The following FREM2 variants were observed in gnomAD, a reference collection of about 807,000 sequenced individuals.
FREM2 encodes FRAS1-related extracellular matrix protein 2.
In FREM2, 119 loss-of-function variants were observed where a neutral mutation model predicts 219.9. The ratio of observed to expected loss-of-function variants is 0.54; its 90% CI spans 0.47 to 0.63. The LOEUF (loss-of-function observed/expected upper bound fraction) is 0.63. Ranked by LOEUF, FREM2 falls within the 30% of genes least tolerant of loss-of-function variation. The probability of loss-of-function intolerance (pLI) is 0.00; values close to 1 mark genes in which losing one functional copy is unlikely to be tolerated. For synonymous variants in FREM2, 1,562 were observed against 1,522.8 expected (o/e 1.03, Z -0.60); for missense variants, 4,030 against 3,993.6 (o/e 1.01, Z -0.25).
At chr13:38,859,235 C>T (rs77649567) in intron 13 of FREM2, 52 bp from the exon 14 acceptor site, 30,742 of 1,554,338 alleles carry the variant, frequency 0.02, 399 homozygotes, top group Non-Finnish European at 0.023. Flanking sequence ...GAGAAGAATG[C>T]GTTCCACCTG....
Position 38,834,165 on chromosome 13 carries a change from C to T in FREM2, c.6020-12408C>T, listed in dbSNP as rs534801318. Among the ~76,000 whole-genome samples, 233 of 152,156 alleles carry T rather than the reference C, an allele frequency of 1.5e-3. 1 individual carries two copies. Among genetic ancestry groups the T allele is most frequent in the Non-Finnish European group, 2.6e-3 (179 of 67,978 alleles). On this transcript the variant is annotated intron_variant, in intron 6 of 23. Coordinates refer to ENST00000280481, the MANE Select transcript of FREM2 (RefSeq NM_207361.6). ...GTATTTCTCCTAATGCTATCCCTCC[C>T]CTTGATCCCCACCCCCCAATAGGCC... is the stretch of plus-strand genomic sequence containing the variant.
Position 38,687,351 on chromosome 13 carries a change from T to A in FREM2, c.7T>A (p.Ser3Thr). The change falls in exon 1 of 24, where the codon TCA (serine) becomes ACA (threonine). Residue 3 changes from serine to threonine, a missense_variant. By Grantham distance (58) the Ser-to-Thr change is moderately conservative. Around this residue, in one of 2 missense-constraint regions of FREM2, gnomAD observed 3,102 missense variants for 2,950.7 expected, o/e 1.05. Coordinates refer to ENST00000280481, the MANE Select transcript of FREM2 (RefSeq NM_207361.6). ...AAGCCCGAACACCGGGACCATGCAC[T>A]CAGCCGGGACTCCCGGGTTATCCTC... is the stretch of plus-strand genomic sequence containing the variant. MH[S>T]AGTPGLSSRR... is the part of the protein sequence containing the mutation. 1 of 1,604,714 alleles carries A rather than the reference T, an allele frequency of 6.2e-7. No homozygotes were observed. The highest frequency in any genetic ancestry group is 2.2e-5 in the East Asian group (1 of 44,464).
At chr13:38,800,471 C>T (rs985078827) in intron 6 of FREM2, among the ~76,000 whole-genome samples, 2 of 151,982 alleles carry the variant, frequency 1.3e-5, no homozygotes, top group Non-Finnish European at 2.9e-5. Context: ...TTTTCTCTTT[C>T]TGGTTTTAGG....
At chr13:38,801,372 A>G (rs897629911) in intron 6 of FREM2, among the ~76,000 whole-genome samples, 10 of 152,156 alleles carry the variant, frequency 6.6e-5, no homozygotes, top group African/African-American at 2.2e-4. Flanking sequence ...TTGGAGAATT[A>G]TCATGCTTAT....
chr13:38,840,422 C>CTTTT (rs66970622), intron 6 of FREM2, among the ~76,000 whole-genome samples: 1 of 132,142 alleles, frequency 7.6e-6, no homozygotes. Flanking sequence ...GGGATTTCTC[C>CTTTT]TTTTTTTTTT....
At position 38,857,045 on chromosome 13, in the gene FREM2, T is replaced by C. The variant is rs567933290; in HGVS notation, c.7056+789T>C. Among the ~76,000 whole-genome samples the C allele has an allele frequency of 1.3e-3, 203 of 152,304 alleles. 2 individuals carry two copies. Among genetic ancestry groups the C allele is most frequent in the Non-Finnish European group, 2.2e-3 (149 of 68,036 alleles). The stretch of plus-strand genomic sequence containing the variant: ...CAGTGCCTTGCTTTTTATCAAGTTA[T>C]TTAAAACTCAAGTATGGGCAATCTT... On this transcript the variant is annotated intron_variant, in intron 12 of 23. Coordinates refer to ENST00000280481, the MANE Select transcript of FREM2 (RefSeq NM_207361.6).
At chr13:38,871,905 T>A (rs1258126220) in intron 16 of FREM2, among the ~76,000 whole-genome samples, 1 of 152,148 alleles carries the variant, frequency 6.6e-6, no homozygotes, top group African/African-American at 2.4e-5. Context: ...GACACTTCAT[T>A]TCAACTAATT....
intron 6 of FREM2, among the ~76,000 whole-genome samples, chr13:38,805,717 C>T (rs1162463510): frequency 6.6e-6 from 1 of 151,722 alleles, no homozygotes; most frequent in African/African-American, 2.4e-5. Context: ...GAAAGGTTAC[C>T]AGACTATATT....
chr13:38,725,817 C>CT (rs1411487590), intron 2 of FREM2, among the ~76,000 whole-genome samples: 3 of 152,096 alleles, frequency 2.0e-5, no homozygotes, highest in Admixed American at 2.0e-4. Context: ...AATGGCAAGG[C>CT]TTTTTACTGA....
At chr13:38,794,449 G>A (rs1334674102) in intron 6 of FREM2, among the ~76,000 whole-genome samples, 3 of 152,080 alleles carry the variant, frequency 2.0e-5, no homozygotes, top group African/African-American at 7.2e-5. Context: ...AGCTTATTTT[G>A]TGTATTTTTC....
chr13:38,773,589 T>C (rs888480371), intron 4 of FREM2, among the ~76,000 whole-genome samples: 1 of 152,104 alleles, frequency 6.6e-6, no homozygotes, highest in Non-Finnish European at 1.5e-5. Flanking sequence ...TTTGTTTGTT[T>C]TTTTGATTGG....
chr13:38,862,946 G>T (rs1396072484), intron 15 of FREM2, among the ~76,000 whole-genome samples: 1 of 152,184 alleles, frequency 6.6e-6, no homozygotes, highest in Non-Finnish European at 1.5e-5. Flanking sequence ...ACAGTCAACA[G>T]AGACCTCAGG....
In FREM2 at chr13:38,878,255, T is replaced by C. The variant is rs1297049569; in HGVS notation, c.8793T>C (p.Ser2931=). ...TGADGYVPKY[S]PMNAEYGCLA... is the part of the protein sequence containing the mutation. ...CTGATGGCTATGTTCCCAAGTATAG[T>C]CCAATGAATGCAGAATATGGCTGCT... Residue 2931 remains serine (S), a synonymous_variant, in exon 22 of 24, where the codon AGT becomes AGC. Transcript: ENST00000280481. 1 of 1,613,692 alleles carries C rather than the reference T, an allele frequency of 6.2e-7. No individual in the cohort carries two copies.
intron 6 of FREM2, among the ~76,000 whole-genome samples, chr13:38,806,192 C>T (rs1003692797): frequency 6.6e-6 from 1 of 151,816 alleles, no homozygotes; most frequent in Non-Finnish European, 1.5e-5. Flanking sequence ...TGTGGGAGGA[C>T]TTGTGGCCCC....
At position 38,688,669 on chromosome 13, in the gene FREM2, C is replaced by G. The variant is rs760420418; in HGVS notation, c.1325C>G (p.Thr442Ser). The change falls in exon 1 of 24, where the codon ACC becomes AGC. Residue 442 changes from threonine to serine, a missense_variant. By Grantham distance (58) the Thr-to-Ser change is moderately conservative. Coordinates refer to ENST00000280481, the MANE Select transcript of FREM2 (RefSeq NM_207361.6). ...ATGAACACAATGGCTCCGGTGGTCA[C>G]CCGGAATACCGGTCTTATTCTCTAT... ...KPMNTMAPVVTRNTGLILYEG... is the reference protein window; with the variant it reads ...KPMNTMAPVVSRNTGLILYEG... 9 of 1,614,006 alleles carry G rather than the reference C, an allele frequency of 5.6e-6. No homozygotes were observed. Among genetic ancestry groups the G allele is most frequent in the Admixed American group, 3.3e-5 (2 of 60,008 alleles).
At position 38,692,111 on chromosome 13, in the gene FREM2, C is replaced by T. The variant is rs1260491338; in HGVS notation, c.4767C>T (p.Val1589=). Residue 1589 remains valine (V), a synonymous_variant, in exon 1 of 24, where the codon GTC becomes GTT. Coordinates refer to ENST00000280481, the MANE Select transcript of FREM2 (RefSeq NM_207361.6). ...GHLLFNNTRP[V]MVFTKQDLNE... is the part of the protein sequence containing the mutation. ...TCCTATTCAACAATACCAGACCTGT[C>T]ATGGTTTTTACCAAGCAAGACTTGA... is the stretch of plus-strand genomic sequence containing the variant. The T allele has an allele frequency of 6.2e-7, 1 of 1,614,166 alleles. No individual in the cohort carries two copies. The highest frequency in any genetic ancestry group is 8.5e-7 in the Non-Finnish European group (1 of 1,180,002).
At chr13:38,741,600 C>T (rs558371199) in intron 2 of FREM2, among the ~76,000 whole-genome samples, 2 of 152,218 alleles carry the variant, frequency 1.3e-5, no homozygotes, top group Admixed American at 1.3e-4. Flanking sequence ...TTAGTTTTAG[C>T]TTTTTTTGGA....
intron 6 of FREM2, among the ~76,000 whole-genome samples, chr13:38,795,763 C>T (rs538745119): frequency 2.9e-3 from 439 of 152,302 alleles, no homozygotes; most frequent in African/African-American, 0.01. Context: ...CCCTTCCCAA[C>T]CTCTGGTATC....
At chr13:38,875,208 C>G (rs1301001460) in intron 18 of FREM2, among the ~76,000 whole-genome samples, 1 of 151,242 alleles carries the variant, frequency 6.6e-6, no homozygotes, top group Non-Finnish European at 1.5e-5. Flanking sequence ...TTTTATTTGA[C>G]TCTCCATATT....
Sources: gnomAD v4.1 joint callset for allele counts (sites outside exome capture counted in the v4.1 genomes callset) on GRCh38, gnomAD v4.1.1 for gene constraint, gnomAD v4.1.1 regional missense constraint, MANE v1.5 for transcripts, NCBI Gene and HGNC (gene_info 2026-07-23, HGNC 2026-07-21) for gene names.